PEX14: variants seen among roughly 807,000 people sequenced by gnomAD.
PEX14 encodes the protein peroxisomal biogenesis factor 14.
A neutral mutation model predicts 49.5 loss-of-function variants in PEX14; 15 were observed. The ratio of observed to expected loss-of-function variants is 0.30; its 90% CI spans 0.20 to 0.47. The LOEUF is 0.47. Among genes scored for constraint, PEX14 ranks in the 20% least tolerant of loss-of-function variants. The probability of loss-of-function intolerance (pLI) is 1.00; values close to 1 mark genes in which losing one functional copy is unlikely to be tolerated. For missense variants in PEX14, 398 were observed against 494.8 expected (o/e 0.80, Z 1.86); for synonymous variants, 210 against 212.7 (o/e 0.99, Z 0.11).
intron 2 of PEX14, among the ~76,000 whole-genome samples, chr1:10,518,271 T>C (rs531867015): frequency 2.6e-5 from 4 of 152,126 alleles, no homozygotes; most frequent in Admixed American, 2.0e-4. Context: ...GGGTTAAGGG[T>C]TAGATGAATA....
rs369666807 is a variant in PEX14, at chr1:10,506,889, A to G, written c.84+11568A>G. On this transcript the variant is annotated intron_variant, in intron 2 of 8. Transcript: ENST00000356607. ...AAGCAAAGGGCTTGGCTTTACATCA[A>G]AAGATCAGCAGTGACTGAATGTTTA... Among the ~76,000 whole-genome samples, 27 of 152,372 alleles carry G rather than the reference A, an allele frequency of 1.8e-4. No individual in the cohort carries two copies. In the East Asian group the frequency reaches 2.1e-3, roughly 12 times the overall value.
chr1:10,593,478 A>G (rs968089020), intron 3 of PEX14, among the ~76,000 whole-genome samples: 2 of 152,076 alleles, frequency 1.3e-5, no homozygotes, highest in Non-Finnish European at 2.9e-5. Context: ...TTGAATTTAC[A>G]TATCAATATT....
intron 3 of PEX14, among the ~76,000 whole-genome samples, chr1:10,598,084 A>G (rs1263472075): frequency 6.6e-6 from 1 of 152,138 alleles, no homozygotes; most frequent in East Asian, 1.9e-4. Context: ...TCTAATGGAG[A>G]GCTGCCGACC....
At chr1:10,622,830 G>A (rs1011113729) in intron 5 of PEX14, among the ~76,000 whole-genome samples, 189 bp from the exon 6 acceptor site, 3 of 152,178 alleles carry the variant, frequency 2.0e-5, no homozygotes, top group Non-Finnish European at 4.4e-5. Context: ...CCTTATTCAG[G>A]CAGAATTTTT....
chr1:10,557,834 C>CT (rs70997249), intron 3 of PEX14, among the ~76,000 whole-genome samples: 83 of 146,530 alleles, frequency 5.7e-4, no homozygotes, highest in Middle Eastern at 3.5e-3. Context: ...ATTTGCCTAC[C>CT]TTTTTTTTTT....
rs1308100869 is a variant in PEX14 at position 10,487,633 on chromosome 1, C to T, written c.37-7641C>T. Among the ~76,000 whole-genome samples, 4 of 151,192 alleles carry T rather than the reference C, an allele frequency of 2.6e-5. No individual in the cohort carries two copies. In the East Asian group the frequency reaches 5.9e-4, roughly 22 times the overall value. On this transcript the variant is annotated intron_variant, in intron 1 of 8. Coordinates refer to ENST00000356607, the MANE Select transcript of PEX14 (RefSeq NM_004565.3). ...CCAAGTATCTGGGACTACAGGCGTG[C>T]GCCACCACACCAAGCTAATTTTTGT...
chr1:10,624,757 G>A (rs886093478), intron 7 of PEX14, among the ~76,000 whole-genome samples: 3 of 152,184 alleles, frequency 2.0e-5, no homozygotes, highest in African/African-American at 4.8e-5. Context: ...GAGGCTTTCT[G>A]TGTAGACATG....
intron 3 of PEX14, among the ~76,000 whole-genome samples, chr1:10,544,970 C>T (rs1639126843): frequency 6.6e-6 from 1 of 152,092 alleles, no homozygotes; most frequent in Non-Finnish European, 1.5e-5. Flanking sequence ...ACCATGTTGC[C>T]CAGGCTGGTC....
chr1:10,479,976 TC>T (rs1641255526), intron 1 of PEX14, among the ~76,000 whole-genome samples: 1 of 152,038 alleles, frequency 6.6e-6, no homozygotes, highest in Admixed American at 6.6e-5. Flanking sequence ...ACCCCTGTAC[TC>T]CAGCCTGGGC....
chr1:10,558,720 G>A (rs1570264928), intron 3 of PEX14, among the ~76,000 whole-genome samples: 1 of 129,066 alleles, frequency 7.7e-6, no homozygotes. Flanking sequence ...CTGGGCGACA[G>A]AATGAGACCC....
intron 3 of PEX14, among the ~76,000 whole-genome samples, chr1:10,541,584 A>G (rs1194118574): frequency 9.9e-5 from 15 of 152,166 alleles, no homozygotes. Context: ...CCTGAGGATG[A>G]TTGAGCATCT....
At position 10,515,230 on chromosome 1, in the gene PEX14, C is replaced by CT. The variant is rs1237217330; in HGVS notation, c.84+19910dup. ...ACATTAAAAATAAGGCATTAAAACT[C>CT]TGACTTTTTTTTTTTTCTTCCAGAA... is the stretch of plus-strand genomic sequence containing the variant. On this transcript the variant is annotated intron_variant, in intron 2 of 8. Transcript: ENST00000356607. Among the ~76,000 whole-genome samples the CT allele has an allele frequency of 2.4e-4, 37 of 151,922 alleles. No individual in the cohort carries two copies. The South Asian group carries it at 7.7e-3, about 32-fold the overall frequency.
chr1:10,599,508 T>A (rs1640925019), intron 4 of PEX14, 142 bp downstream of exon 4: 2 of 925,612 alleles, frequency 2.2e-6, no homozygotes, highest in East Asian at 4.8e-5. Context: ...TCCCAAGGAA[T>A]GTGACACACC....
chr1:10,624,504 C>T, intron 7 of PEX14, 67 bp downstream of exon 7: 1 of 1,125,248 alleles, frequency 8.9e-7, no homozygotes, highest in Non-Finnish European at 1.4e-6. Flanking sequence ...CACTCTTGTC[C>T]CTTGGGCCGG....
At chr1:10,551,819 A>G (rs1639341544) in intron 3 of PEX14, among the ~76,000 whole-genome samples, 1 of 152,194 alleles carries the variant, frequency 6.6e-6, no homozygotes, top group Admixed American at 6.5e-5. Context: ...TCAGAAAGTT[A>G]TGGCCAGGCA....
intron 2 of PEX14, among the ~76,000 whole-genome samples, chr1:10,532,511 A>G (rs760894744): frequency 2.6e-5 from 4 of 152,054 alleles, no homozygotes; most frequent in Non-Finnish European, 5.9e-5. Flanking sequence ...GTGCAAGAGG[A>G]AGGGAAAGGA....
At chr1:10,518,020 AC>A (rs1642001848) in intron 2 of PEX14, among the ~76,000 whole-genome samples, 1 of 151,970 alleles carries the variant, frequency 6.6e-6, no homozygotes, top group South Asian at 2.1e-4. Context: ...TTCCATGTGA[AC>A]CCTGAGTTAC....
At chr1:10,522,282 C>G (rs1638322347) in intron 2 of PEX14, among the ~76,000 whole-genome samples, 1 of 152,192 alleles carries the variant, frequency 6.6e-6, no homozygotes, top group Non-Finnish European at 1.5e-5. Context: ...ATCCTGATTC[C>G]TCACCCAGCA....
At chr1:10,481,611 A>G (rs1248632175) in intron 1 of PEX14, among the ~76,000 whole-genome samples, 1 of 150,738 alleles carries the variant, frequency 6.6e-6, no homozygotes, top group East Asian at 2.0e-4. Flanking sequence ...CCAGCTAATT[A>G]TTTTTTGTAG....
Sources: allele counts gnomAD v4.1 joint callset (sites outside exome capture counted in the v4.1 genomes callset), GRCh38; gene constraint gnomAD v4.1.1; transcripts MANE v1.5; gene names NCBI Gene and HGNC (gene_info 2026-07-23, HGNC 2026-07-21).